Variants in PHACTR1 observed in about 807,000 individuals in gnomAD.
The protein encoded by PHACTR1 is phosphatase and actin regulator 1.
PHACTR1 carries 16 observed loss-of-function variants against 69.2 expected under a neutral mutation model. The ratio of observed to expected loss-of-function variants is 0.23; its 90% CI spans 0.16 to 0.35. The LOEUF is 0.35. Among genes scored for constraint, PHACTR1 ranks in the 10% least tolerant of loss-of-function variants. The pLI, the probability that PHACTR1 is intolerant of heterozygous loss-of-function variation, is 1.00. For synonymous variants in PHACTR1, 312 were observed against 284.5 expected, an observed-to-expected ratio of 1.10 and a Z score of -0.97; for missense variants, 510 against 734.7, an observed-to-expected ratio of 0.69 and a Z score of 3.54.
Position 13,057,115 on chromosome 6 carries a change from A to G in PHACTR1, c.415+3586A>G, listed in dbSNP as rs185246789. Among the ~76,000 whole-genome samples the G allele has an allele frequency of 2.6e-5, 4 of 152,346 alleles. No individual in the cohort carries two copies. In the East Asian group the frequency reaches 7.7e-4, roughly 29 times the overall value. On this transcript the variant is annotated intron_variant, in intron 5 of 14. Transcript: ENST00000332995. ...TAGACTATAGTTAAGAATTTTTTATACATTTCAAATAGCTAGAAAAGAAGA... is the reference window on the plus strand; with the variant it reads ...TAGACTATAGTTAAGAATTTTTTATGCATTTCAAATAGCTAGAAAAGAAGA...
At chr6:12,746,359 C>T (rs1765786233) in intron 3 of PHACTR1, among the ~76,000 whole-genome samples, 1 of 152,106 alleles carries the variant, frequency 6.6e-6, no homozygotes, top group Admixed American at 6.6e-5. Context: ...CATAGCGAAA[C>T]TCTAGCTCTA....
At chr6:13,065,138 G>A (rs1333656923) in intron 5 of PHACTR1, among the ~76,000 whole-genome samples, 1 of 152,154 alleles carries the variant, frequency 6.6e-6, no homozygotes, top group South Asian at 2.1e-4. Flanking sequence ...AGGGCTCCTT[G>A]GGTATAGATA....
At chr6:13,105,644 TCTGA>T (rs1050949110) in intron 5 of PHACTR1, among the ~76,000 whole-genome samples, 5 of 152,156 alleles carry the variant, frequency 3.3e-5, no homozygotes, top group East Asian at 1.9e-4. Context: ...CACCCATGCT[TCTGA>T]CTGACTGCCT....
chr6:12,797,247 G>A (rs1442073804), intron 4 of PHACTR1, among the ~76,000 whole-genome samples: 1 of 152,114 alleles, frequency 6.6e-6, no homozygotes, highest in African/African-American at 2.4e-5. Flanking sequence ...GGGCAATCAA[G>A]TGCTTCCAGT....
chr6:13,189,825 G>A (rs893694421), intron 7 of PHACTR1, among the ~76,000 whole-genome samples: 5 of 152,040 alleles, frequency 3.3e-5, no homozygotes, highest in Admixed American at 2.0e-4. Context: ...TTGGGCTGCC[G>A]CAACTAAAGA....
At chr6:13,265,943 G>A (rs543737567) in intron 10 of PHACTR1, among the ~76,000 whole-genome samples, 10 of 152,212 alleles carry the variant, frequency 6.6e-5, no homozygotes, top group African/African-American at 2.4e-4. Context: ...ACTAGTCTCA[G>A]ATTTCTATCA....
At chr6:13,004,570 TATGG>T (rs970339149) in intron 4 of PHACTR1, among the ~76,000 whole-genome samples, 8 of 152,248 alleles carry the variant, frequency 5.3e-5, no homozygotes, top group Non-Finnish European at 8.8e-5. Flanking sequence ...TACTTTAAGT[TATGG>T]GATACATGTG....
At chr6:12,975,620 A>G (rs1794779685) in intron 4 of PHACTR1, among the ~76,000 whole-genome samples, 2 of 152,128 alleles carry the variant, frequency 1.3e-5, no homozygotes, top group South Asian at 2.1e-4. Context: ...TCACTCCGTC[A>G]CCCAGGCTGG....
At chr6:13,131,033 A>G (rs924408625) in intron 5 of PHACTR1, among the ~76,000 whole-genome samples, 12 of 152,176 alleles carry the variant, frequency 7.9e-5, no homozygotes, top group Non-Finnish European at 1.6e-4. Context: ...GATACAGCAC[A>G]TCAACAGAAT....
intron 4 of PHACTR1, among the ~76,000 whole-genome samples, chr6:12,988,070 G>A (rs1368969453): frequency 1.3e-5 from 2 of 152,122 alleles, no homozygotes; most frequent in Non-Finnish European, 2.9e-5. Flanking sequence ...TGATCACAGG[G>A]GTGGGCCTTC....
intron 4 of PHACTR1, among the ~76,000 whole-genome samples, chr6:12,879,331 A>C (rs1046305314): frequency 6.6e-6 from 1 of 152,132 alleles, no homozygotes; most frequent in Admixed American, 6.5e-5. Flanking sequence ...GCGTGGAATA[A>C]AAAATAATAC....
chr6:12,998,588 C>T (rs1455339485), intron 4 of PHACTR1, among the ~76,000 whole-genome samples: 1 of 149,200 alleles, frequency 6.7e-6, no homozygotes, highest in Non-Finnish European at 1.5e-5. Flanking sequence ...TGCACTCTGG[C>T]CTGGGCGACA....
chr6:12,792,387 C>T (rs1226993970), intron 4 of PHACTR1, among the ~76,000 whole-genome samples: 1 of 132,664 alleles, frequency 7.5e-6, no homozygotes, highest in Non-Finnish European at 1.6e-5. Flanking sequence ...TCACTTGAAC[C>T]CGGGAGGCGG....
intron 5 of PHACTR1, among the ~76,000 whole-genome samples, chr6:13,142,995 G>A (rs1017816069): frequency 6.6e-6 from 1 of 152,118 alleles, no homozygotes; most frequent in Non-Finnish European, 1.5e-5. Flanking sequence ...ACTGACTCTA[G>A]ATAATATAAA....
intron 10 of PHACTR1, among the ~76,000 whole-genome samples, chr6:13,270,421 C>T (rs1388085299): frequency 1.3e-5 from 2 of 152,152 alleles, no homozygotes; most frequent in African/African-American, 4.8e-5. Context: ...GCTGAAAGCT[C>T]CAGGCCTCTA....
chr6:12,762,566 C>T (rs567607141), intron 4 of PHACTR1, among the ~76,000 whole-genome samples: 4 of 152,008 alleles, frequency 2.6e-5, no homozygotes, highest in East Asian at 3.9e-4. Context: ...TAACCTATCA[C>T]GTAAGAAGTT....
At chr6:13,190,258 C>A (rs1763385342) in intron 7 of PHACTR1, among the ~76,000 whole-genome samples, 1 of 137,852 alleles carries the variant, frequency 7.3e-6, no homozygotes, top group African/African-American at 2.8e-5. Context: ...TGGTCTCGAA[C>A]TCCTGGCCTG....
chr6:13,121,150 G>A (rs762509830), intron 5 of PHACTR1, among the ~76,000 whole-genome samples: 27 of 152,168 alleles, frequency 1.8e-4, no homozygotes, highest in Non-Finnish European at 3.4e-4. Context: ...AGATGGATGC[G>A]TTTTCCAGAT....
chr6:13,217,940 C>T (rs1467923030), intron 8 of PHACTR1, among the ~76,000 whole-genome samples: 1 of 152,232 alleles, frequency 6.6e-6, no homozygotes, highest in Non-Finnish European at 1.5e-5. Flanking sequence ...TATTCTCTCT[C>T]CCCTCTGAAA....
Sources: allele counts gnomAD v4.1 joint callset (sites outside exome capture counted in the v4.1 genomes callset), GRCh38; gene constraint gnomAD v4.1.1; transcripts MANE v1.5; gene names NCBI Gene and HGNC (gene_info 2026-07-23, HGNC 2026-07-21).